Variants in CDC123 observed in about 807,000 individuals in gnomAD.
The protein encoded by CDC123 is translation initiation factor eIF2 assembly protein.
Under a neutral mutation model 54.4 loss-of-function variants are expected in CDC123, and 37 were observed. The ratio of observed to expected loss-of-function variants is 0.68; its 90% confidence interval spans 0.52 to 0.89. The LOEUF is 0.89. Among genes scored for constraint, CDC123 ranks in the 40% least tolerant of loss-of-function variants. The probability of loss-of-function intolerance (pLI) is 0.00; values close to 1 mark genes in which losing one functional copy is unlikely to be tolerated. For missense variants in CDC123, 361 were observed against 412.1 expected (o/e 0.88, Z 1.07); for synonymous variants, 144 against 136.8 (o/e 1.05, Z -0.37).
intron 10 of CDC123, among the ~76,000 whole-genome samples, chr10:12,242,970 C>G (rs1325490052): frequency 6.6e-6 from 1 of 151,858 alleles, no homozygotes; most frequent in African/African-American, 2.4e-5. Flanking sequence ...AATCCTGATC[C>G]TGATCCTCCT....
At position 12,219,242 on chromosome 10, in the gene CDC123, A is replaced by G. The variant is rs564837750; in HGVS notation, c.440+1775A>G. ...TTAATTCAAGAAAGGGAAGTTAAGT[A>G]ATCAGTGAGTGTGGTTGTGTTACAT... On this transcript the variant is annotated intron_variant, in intron 6 of 12. Transcript: ENST00000281141. Among the ~76,000 whole-genome samples, 63 of 152,340 alleles carry G rather than the reference A, an allele frequency of 4.1e-4. 2 individuals are homozygous for G. The South Asian group carries it at 0.013, about 31-fold the overall frequency.
chr10:12,214,805 T>C (rs893362658), intron 4 of CDC123, among the ~76,000 whole-genome samples: 2 of 152,176 alleles, frequency 1.3e-5, no homozygotes, highest in Non-Finnish European at 2.9e-5. Context: ...CTTTTTTTTT[T>C]CCTAGGGAAG....
At chr10:12,219,883 T>C (rs1835712406) in intron 6 of CDC123, among the ~76,000 whole-genome samples, 1 of 152,152 alleles carries the variant, frequency 6.6e-6, no homozygotes, top group Admixed American at 6.5e-5. Flanking sequence ...AAAGACGGTG[T>C]TTCACCACGT....
At chr10:12,210,598 G>C (rs1439552236) in intron 4 of CDC123, among the ~76,000 whole-genome samples, 1 of 152,160 alleles carries the variant, frequency 6.6e-6, no homozygotes, top group East Asian at 1.9e-4. Flanking sequence ...TCTGCAAGAA[G>C]GAATTACGCC....
chr10:12,226,984 G>A (rs923106725), intron 6 of CDC123, among the ~76,000 whole-genome samples: 1 of 152,234 alleles, frequency 6.6e-6, no homozygotes, highest in East Asian at 1.9e-4. Context: ...CTGAGTGAGC[G>A]AGACTCCGTC....
In CDC123 at chr10:12,250,447, C is replaced by A; in HGVS notation, c.*110C>A. The A allele has an allele frequency of 2.4e-6, 2 of 816,506 alleles. No individual in the cohort carries two copies. The highest frequency in any genetic ancestry group is 1.8e-5 in the Admixed American group (1 of 55,412). 50.6% of individuals were successfully genotyped at this position (816,506 alleles called of 1,614,324 possible). Reference sequence around the variant, plus strand: ...ATGCGGGTGGGCCGAGCAGTGTGGACATCAGCCACTTTTTATATTCATGTA... The same window carrying A: ...ATGCGGGTGGGCCGAGCAGTGTGGAAATCAGCCACTTTTTATATTCATGTA... On this transcript the variant is annotated 3_prime_UTR_variant, in exon 13 of 13. Coordinates refer to ENST00000281141, the MANE Select transcript of CDC123 (RefSeq NM_006023.3).
At chr10:12,244,256 C>T (rs536581731) in intron 10 of CDC123, among the ~76,000 whole-genome samples, 5 of 152,200 alleles carry the variant, frequency 3.3e-5, no homozygotes, top group South Asian at 2.1e-4. Flanking sequence ...GACACACACC[C>T]GCTCAGGACA....
chr10:12,200,833 C>T (rs1390635150), intron 2 of CDC123, among the ~76,000 whole-genome samples: 5 of 151,790 alleles, frequency 3.3e-5, no homozygotes, highest in Admixed American at 6.6e-5. Flanking sequence ...CTCGGGAAGC[C>T]GAGGCAGGAG....
chr10:12,219,498 G>A (rs2131743299), intron 6 of CDC123, among the ~76,000 whole-genome samples: 1 of 152,240 alleles, frequency 6.6e-6, no homozygotes, highest in East Asian at 1.9e-4. Context: ...CCCTCTGGTT[G>A]TGTTGGCACA....
intron 11 of CDC123, among the ~76,000 whole-genome samples, chr10:12,249,331 G>T (rs1009620294): frequency 1.3e-5 from 2 of 152,130 alleles, no homozygotes; most frequent in African/African-American, 2.4e-5. Context: ...CCAGCTACTT[G>T]GGAGGCTGAA....
intron 6 of CDC123, among the ~76,000 whole-genome samples, chr10:12,226,454 C>G (rs896210681): frequency 6.6e-6 from 1 of 152,096 alleles, no homozygotes; most frequent in African/African-American, 2.4e-5. Context: ...CTCCTCACTT[C>G]CCAGACGGGG....
chr10:12,210,322 G>T lies in CDC123; in HGVS notation c.237G>T (p.Thr79=). ...WSDDENTATL[T]APEFPEFATK... Reference sequence around the variant, plus strand: ...ATGATGAGAACACAGCCACGCTTACGGTAAGAGCACAGCAGACTCAGCGTG... The same window carrying T: ...ATGATGAGAACACAGCCACGCTTACTGTAAGAGCACAGCAGACTCAGCGTG... Residue 79 remains threonine, a splice_region_variant and synonymous_variant, in exon 4 of 13, where the codon ACG becomes ACT. Coordinates refer to ENST00000281141, the MANE Select transcript of CDC123 (RefSeq NM_006023.3). 6.2e-7 allele frequency: 1 copy of T among 1,613,964 alleles called. No homozygotes were observed. Among genetic ancestry groups the T allele is most frequent in the South Asian group, 1.1e-5 (1 of 91,064 alleles).
intron 1 of CDC123, among the ~76,000 whole-genome samples, chr10:12,198,191 C>T (rs1436576401): frequency 6.6e-6 from 1 of 152,158 alleles, no homozygotes; most frequent in East Asian, 1.9e-4. Flanking sequence ...CTCTGGTGAT[C>T]AGTTGAATAG....
intron 4 of CDC123, among the ~76,000 whole-genome samples, chr10:12,215,111 C>G (rs1317697198): frequency 6.6e-6 from 1 of 152,082 alleles, no homozygotes; most frequent in South Asian, 2.1e-4. Flanking sequence ...AAACACAGAA[C>G]GTTTTGGTCA....
At chr10:12,221,746 TTTA>T (rs1328196124) in intron 6 of CDC123, among the ~76,000 whole-genome samples, 1 of 150,224 alleles carries the variant, frequency 6.7e-6, no homozygotes, top group Non-Finnish European at 1.5e-5. Context: ...ATTTATTAAA[TTTA>T]TTTTTTAAAT....
At position 12,206,822 on chromosome 10, in the gene CDC123, G is replaced by A. The variant is rs983305952; in HGVS notation, c.147-3145G>A. ...AAATGCAAAAAAATTAGCCGGGTGTGGTGGCGGGCGCCTGGAGTCCCAGCT... is the reference window on the plus strand; with the variant it reads ...AAATGCAAAAAAATTAGCCGGGTGTAGTGGCGGGCGCCTGGAGTCCCAGCT... On this transcript the variant is annotated intron_variant, in intron 2 of 12. Coordinates refer to ENST00000281141, the MANE Select transcript of CDC123 (RefSeq NM_006023.3). Among the ~76,000 whole-genome samples, 9 of 152,142 alleles carry A rather than the reference G, an allele frequency of 5.9e-5. 1 individual carries two copies. In the South Asian group the frequency reaches 8.3e-4, roughly 14 times the overall value.
At chr10:12,222,758 TTTAAAATTTTTTC>T (rs1835753717) in intron 6 of CDC123, among the ~76,000 whole-genome samples, 1 of 152,238 alleles carries the variant, frequency 6.6e-6, no homozygotes, top group African/African-American at 2.4e-5. Context: ...GTAATTTTTT[TTTAAAATTTTTTC>T]AAGATAGAGT....
chr10:12,237,543 C>T (rs960499977), intron 9 of CDC123: 3 of 169,054 alleles, frequency 1.8e-5, no homozygotes, highest in Non-Finnish European at 3.8e-5. Flanking sequence ...AGGTGATTCT[C>T]CTGCCTCAGC....
intron 4 of CDC123, among the ~76,000 whole-genome samples, chr10:12,212,316 T>A (rs1168109841): frequency 6.6e-6 from 1 of 152,026 alleles, no homozygotes; most frequent in Non-Finnish European, 1.5e-5. Flanking sequence ...TGGACTGGGA[T>A]TGGGAAAGTA....
Sources: gnomAD v4.1 joint callset for allele counts (sites outside exome capture counted in the v4.1 genomes callset) on GRCh38, gnomAD v4.1.1 for gene constraint, MANE v1.5 for transcripts, NCBI Gene and HGNC (gene_info 2026-07-23, HGNC 2026-07-21) for gene names.